EPB41L4A: variants seen among roughly 807,000 people sequenced by gnomAD.
EPB41L4A encodes the protein band 4.1-like protein 4A.
Under a neutral mutation model 108.6 loss-of-function variants are expected in EPB41L4A, and 100 were observed. The ratio of observed to expected loss-of-function variants is 0.92; its 90% CI spans 0.78 to 1.09. The LOEUF (loss-of-function observed/expected upper bound fraction) is 1.09. EPB41L4A is among the 50% of genes least tolerant of loss of function. EPB41L4A has a pLI of 0.00. For missense variants in EPB41L4A, 1,030 were observed against 842.7 expected (o/e 1.22, Z -2.75); for synonymous variants, 319 against 289.0 (o/e 1.10, Z -1.05).
intron 1 of EPB41L4A, among the ~76,000 whole-genome samples, chr5:112,341,685 G>A (rs1446114902): frequency 2.0e-5 from 3 of 152,048 alleles, no homozygotes; most frequent in African/African-American, 7.2e-5. Flanking sequence ...GCTGAGGCAG[G>A]TGGATCACTT....
chr5:112,169,603 C>T (rs1160029169), intron 20 of EPB41L4A, among the ~76,000 whole-genome samples: 3 of 152,110 alleles, frequency 2.0e-5, no homozygotes, highest in Non-Finnish European at 4.4e-5. Flanking sequence ...CAGCATTTCA[C>T]AATGTATACA....
At chr5:112,305,864 G>A (rs1754650204) in intron 2 of EPB41L4A, among the ~76,000 whole-genome samples, 1 of 152,006 alleles carries the variant, frequency 6.6e-6, no homozygotes, top group Non-Finnish European at 1.5e-5. Context: ...CCTAAAACCT[G>A]TATTATAAAC....
At chr5:112,282,755 G>A (rs899773909) in intron 2 of EPB41L4A, among the ~76,000 whole-genome samples, 1 of 151,970 alleles carries the variant, frequency 6.6e-6, no homozygotes, top group Non-Finnish European at 1.5e-5. Flanking sequence ...TGGCAAGAAG[G>A]GAAAAAAGGA....
chr5:112,175,622 T>C (rs1365535478), intron 18 of EPB41L4A: 1 of 152,006 alleles, frequency 6.6e-6, no homozygotes, highest in African/African-American at 2.4e-5. Context: ...AGATCAGTGG[T>C]TTACTGTACA....
intron 1 of EPB41L4A, among the ~76,000 whole-genome samples, chr5:112,346,676 C>G (rs1377064199): frequency 1.3e-5 from 2 of 152,186 alleles, no homozygotes; most frequent in Admixed American, 1.3e-4. Flanking sequence ...AGAAACATGG[C>G]AACCATAGAC....
downstream of EPB41L4A, chr5:112,161,045 C>T (rs1057201885): frequency 1.3e-5 from 2 of 158,704 alleles, no homozygotes; most frequent in African/African-American, 2.4e-5. Context: ...TGAACAAGGG[C>T]AGCGGCCTGG....
chr5:112,143,774 C>T (rs1759149465), exon 14 of EPB41L4A: 1 of 411,726 alleles, frequency 2.4e-6, no homozygotes. Context: ...CAGCTTGAGT[C>T]ACGTGTTAAT....
chr5:112,192,753 T>A (rs1387770300), intron 17 of EPB41L4A, among the ~76,000 whole-genome samples: 4 of 152,226 alleles, frequency 2.6e-5, no homozygotes, highest in Non-Finnish European at 5.9e-5. Flanking sequence ...CGAATGGTAC[T>A]GTGAGCAATT....
intron 3 of EPB41L4A, among the ~76,000 whole-genome samples, chr5:112,278,515 C>A (rs1580594919): frequency 6.6e-6 from 1 of 151,794 alleles, no homozygotes. Flanking sequence ...GCCACCCAAA[C>A]TGCTGGGATT....
chr5:112,280,984 C>T (rs1488766183), intron 2 of EPB41L4A, among the ~76,000 whole-genome samples: 3 of 152,140 alleles, frequency 2.0e-5, no homozygotes, highest in Admixed American at 2.0e-4. Context: ...TCCAGGAGAG[C>T]AGTTCAGCAC....
chr5:112,215,761 T>TTA (rs762157255), intron 12 of EPB41L4A, among the ~76,000 whole-genome samples: 2 of 8,212 alleles, frequency 2.4e-4, no homozygotes, highest in Admixed American at 1.9e-3. Context: ...AGACTCCATC[T>TTA]CAAAAAAAAA....
intron 1 of EPB41L4A, among the ~76,000 whole-genome samples, chr5:112,339,510 A>ATATATCTATATCTATATAT (rs1491378172): frequency 1.1e-4 from 6 of 56,016 alleles, no homozygotes; most frequent in African/African-American, 3.4e-4. Flanking sequence ...ATATATATAT[A>ATATATCTATATCTATATAT]GATATATAGA....
At chr5:112,303,929 A>C (rs1754535739) in intron 2 of EPB41L4A, among the ~76,000 whole-genome samples, 1 of 152,154 alleles carries the variant, frequency 6.6e-6, no homozygotes, top group Non-Finnish European at 1.5e-5. Context: ...ACACACCCAA[A>C]CACTGACTGG....
intron 1 of EPB41L4A, among the ~76,000 whole-genome samples, chr5:112,401,492 A>C (rs1386982190): frequency 6.6e-6 from 1 of 152,248 alleles, no homozygotes; most frequent in Non-Finnish European, 1.5e-5. Flanking sequence ...GAACTGATAC[A>C]CCAAAAATAC....
At position 112,382,757 on chromosome 5, in the gene EPB41L4A, G is replaced by T. The variant is rs114263934; in HGVS notation, c.99+36184C>A. Among the ~76,000 whole-genome samples the T allele has an allele frequency of 6.9e-3, 1,045 of 152,232 alleles. 11 individuals are homozygous for T. The highest frequency in any genetic ancestry group is 0.023 in the African/African-American group (956 of 41,536). ...GAGCAGCTAAAAGATACAGTATATA[G>T]GTAGCAGGTGTGTCTGATACCCAGT... On this transcript the variant is annotated intron_variant, in intron 1 of 22. Coordinates refer to ENST00000261486, the MANE Select transcript of EPB41L4A (RefSeq NM_022140.5).
intron 1 of EPB41L4A, among the ~76,000 whole-genome samples, chr5:112,385,334 T>C (rs143939992): frequency 1.1e-3 from 165 of 152,194 alleles, no homozygotes; most frequent in African/African-American, 3.6e-3. Context: ...TAAAAAAGTA[T>C]GGGCATAGTA....
At chr5:112,195,596 C>CT (rs1761926962) in intron 16 of EPB41L4A, 65 bp downstream of exon 16, 1 of 1,379,264 alleles carries the variant, frequency 7.3e-7, no homozygotes, top group Admixed American at 1.7e-5. Flanking sequence ...TTCCTTAACT[C>CT]TGAGCATTTC....
chr5:112,232,377 C>T (rs1749021106), intron 12 of EPB41L4A, among the ~76,000 whole-genome samples: 1 of 152,164 alleles, frequency 6.6e-6, no homozygotes, highest in Non-Finnish European at 1.5e-5. Context: ...AGCCAAACTG[C>T]CTTTCACGTC....
chr5:112,365,778 T>C (rs1482076700), intron 1 of EPB41L4A, among the ~76,000 whole-genome samples: 1 of 152,170 alleles, frequency 6.6e-6, no homozygotes, highest in Non-Finnish European at 1.5e-5. Flanking sequence ...TACACTTCCC[T>C]TGAGTTTGAT....
Sources: allele counts gnomAD v4.1 joint callset (sites outside exome capture counted in the v4.1 genomes callset), GRCh38; gene constraint gnomAD v4.1.1; transcripts MANE v1.5; gene names NCBI Gene and HGNC (gene_info 2026-07-23, HGNC 2026-07-21).